Variants in ANKH observed in about 807,000 individuals in gnomAD.
The protein encoded by ANKH is ANKH inorganic pyrophosphate transport regulator.
A neutral mutation model predicts 49.0 loss-of-function variants in ANKH; 15 were observed. That is an observed-to-expected ratio of 0.31 (90% CI 0.20 to 0.47). The LOEUF (loss-of-function observed/expected upper bound fraction) is 0.47. ANKH is among the 20% of genes least tolerant of loss of function. The pLI is 1.00. For synonymous variants in ANKH, 273 were observed against 260.0 expected, an observed-to-expected ratio of 1.05 and a Z score of -0.48; for missense variants, 429 against 652.0, an observed-to-expected ratio of 0.66 and a Z score of 3.72.
chr5:14,716,604 T>G (rs554147774), intron 9 of ANKH, 102 bp downstream of exon 9: 3 of 1,530,030 alleles, frequency 2.0e-6, no homozygotes, highest in Admixed American at 3.4e-5. Context: ...ACAGTGAAAT[T>G]TTACATTTGT....
chr5:14,856,532 C>T (rs1372541987), intron 1 of ANKH, among the ~76,000 whole-genome samples: 2 of 151,904 alleles, frequency 1.3e-5, no homozygotes, highest in Admixed American at 1.3e-4. Context: ...TCCACCATGC[C>T]GTGATCAGCT....
intron 1 of ANKH, among the ~76,000 whole-genome samples, chr5:14,778,000 T>G (rs1739686380): frequency 6.6e-6 from 1 of 152,138 alleles, no homozygotes; most frequent in Non-Finnish European, 1.5e-5. Flanking sequence ...GCAGTCCCGC[T>G]CCAGTGAACA....
chr5:14,770,147 T>C lies in ANKH; in HGVS notation c.97-956A>G, dbSNP rs1320472849. On this transcript the variant is annotated intron_variant, in intron 1 of 11. Transcript: ENST00000284268. The surrounding 1 kb of genome is among the most constrained non-coding windows in gnomAD (Gnocchi z 4.1). ...TGTATAGTTATATATTTTTAGAAAA[T>C]AGACTGTTTTTAAGGCAGTTTTAGG... 2.0e-5 allele frequency among the ~76,000 whole-genome samples: 3 copies of C among 152,224 alleles called. No individual in the cohort carries two copies. The highest frequency in any genetic ancestry group is 7.2e-5 in the African/African-American group (3 of 41,548).
chr5:14,743,262 AAG>A, intron 7 of ANKH, among the ~76,000 whole-genome samples: 1 of 152,334 alleles, frequency 6.6e-6, no homozygotes, highest in South Asian at 2.1e-4. Flanking sequence ...TGCATTCTGT[AAG>A]AGCACTGCCC....
At chr5:14,798,477 C>T (rs530587859) in intron 1 of ANKH, 56 of 1,103,536 alleles carry the variant, frequency 5.1e-5, no homozygotes, top group East Asian at 5.0e-4. Context: ...GTTCGCTCTG[C>T]GCACGCGGTC....
At chr5:14,759,970 A>C (rs1247525532) in intron 2 of ANKH, among the ~76,000 whole-genome samples, 3 of 152,200 alleles carry the variant, frequency 2.0e-5, no homozygotes, top group African/African-American at 7.2e-5. Flanking sequence ...TTCTCTTACA[A>C]CTATGGATAT....
At chr5:14,753,025 C>T (rs547962947) in intron 4 of ANKH, among the ~76,000 whole-genome samples, 6 of 152,052 alleles carry the variant, frequency 3.9e-5, no homozygotes, top group East Asian at 1.9e-4. Context: ...AAACGATGCA[C>T]GAGAAAGCAG....
In ANKH at chr5:14,866,021, G is replaced by A. The variant is rs116570028; in HGVS notation, c.96+5331C>T. Among the ~76,000 whole-genome samples the A allele has an allele frequency of 4.4e-3, 673 of 152,238 alleles. 6 individuals carry two copies. Among genetic ancestry groups the A allele is most frequent in the African/African-American group, 0.015 (616 of 41,528 alleles). On this transcript the variant is annotated intron_variant, in intron 1 of 11. Transcript: ENST00000284268. Reference sequence around the variant, plus strand: ...AACCAAATTCAGTGAATCATACAAGGCAATTTGAAATATCTAAAGTATCTG... The same window carrying A: ...AACCAAATTCAGTGAATCATACAAGACAATTTGAAATATCTAAAGTATCTG...
At chr5:14,789,646 G>A (rs1740097070) in intron 1 of ANKH, among the ~76,000 whole-genome samples, 1 of 152,146 alleles carries the variant, frequency 6.6e-6, no homozygotes, top group African/African-American at 2.4e-5. Flanking sequence ...AGATGGCAAA[G>A]TGCAGATTTT....
chr5:14,822,851 G>A (rs1034913144), intron 1 of ANKH, among the ~76,000 whole-genome samples: 20 of 152,056 alleles, frequency 1.3e-4, no homozygotes, highest in African/African-American at 4.6e-4. Flanking sequence ...TCGAGACCAC[G>A]GTGAAACCCT....
chr5:14,734,015 G>A (rs1251956947), intron 8 of ANKH, among the ~76,000 whole-genome samples: 1 of 152,190 alleles, frequency 6.6e-6, no homozygotes, highest in Non-Finnish European at 1.5e-5. Context: ...GATCAATGAA[G>A]CCCTACTGAG....
intron 2 of ANKH, among the ~76,000 whole-genome samples, chr5:14,759,918 G>A (rs2126497475): frequency 6.6e-6 from 1 of 152,192 alleles, no homozygotes; most frequent in East Asian, 1.9e-4. Context: ...TTTTCACAGT[G>A]TCTTACGAGT....
chr5:14,744,661 C>T (rs1243440987), intron 7 of ANKH, among the ~76,000 whole-genome samples: 1 of 152,234 alleles, frequency 6.6e-6, no homozygotes, highest in East Asian at 1.9e-4. Context: ...TCACTCCAGG[C>T]TTGATCCTCC....
At chr5:14,804,949 A>G (rs1740662097) in intron 1 of ANKH, among the ~76,000 whole-genome samples, 1 of 152,204 alleles carries the variant, frequency 6.6e-6, no homozygotes, top group African/African-American at 2.4e-5. Context: ...AGCTTGAGGT[A>G]GCTAGAGATG....
At chr5:14,780,440 G>A (rs1294677037) in intron 1 of ANKH, among the ~76,000 whole-genome samples, 1 of 152,176 alleles carries the variant, frequency 6.6e-6, no homozygotes, top group Admixed American at 6.5e-5. Flanking sequence ...CTACTTGGCA[G>A]GCTGAGGCGG....
chr5:14,719,479 A>G (rs1366476824), intron 8 of ANKH, among the ~76,000 whole-genome samples: 2 of 152,224 alleles, frequency 1.3e-5, no homozygotes, highest in African/African-American at 4.8e-5. Flanking sequence ...CCCACAGGTC[A>G]GCTGATCTTC....
chr5:14,782,977 A>G (rs1264181203), intron 1 of ANKH, among the ~76,000 whole-genome samples: 1 of 151,772 alleles, frequency 6.6e-6, no homozygotes, highest in Non-Finnish European at 1.5e-5. Context: ...AGGATCTTTA[A>G]CTCTTCCAAA....
At chr5:14,796,584 G>T (rs949289789) in intron 1 of ANKH, among the ~76,000 whole-genome samples, 15 of 151,780 alleles carry the variant, frequency 9.9e-5, no homozygotes, top group Admixed American at 6.6e-5. Context: ...AAAGAGGAAC[G>T]TGCTGTTTTG....
intron 1 of ANKH, among the ~76,000 whole-genome samples, chr5:14,847,695 T>C (rs1055457695): frequency 6.6e-6 from 1 of 152,190 alleles, no homozygotes; most frequent in Non-Finnish European, 1.5e-5. Flanking sequence ...TTTGTGCCTA[T>C]AGATATGGAC....
Sources: gnomAD v4.1 joint callset for allele counts (sites outside exome capture counted in the v4.1 genomes callset) on GRCh38, gnomAD v4.1.1 for gene constraint, Gnocchi (gnomAD v3.1) non-coding constraint, MANE v1.5 for transcripts, NCBI Gene and HGNC (gene_info 2026-07-23, HGNC 2026-07-21) for gene names.